NTRK3: variants seen among roughly 807,000 people sequenced by gnomAD.
NTRK3 encodes neurotrophic receptor tyrosine kinase 3, also known as NT-3 growth factor receptor.
NTRK3 carries 24 observed loss-of-function variants against 91.7 expected under a neutral mutation model. That is an observed-to-expected ratio of 0.26 (90% CI 0.19 to 0.37). The LOEUF is 0.37. Ranked by LOEUF, NTRK3 falls within the 10% of genes least tolerant of loss-of-function variation. The pLI, the probability that NTRK3 is intolerant of heterozygous loss-of-function variation, is 1.00. For missense variants in NTRK3, 880 were observed against 1,068.9 expected (o/e 0.82, Z 2.46); for synonymous variants, 483 against 404.0 (o/e 1.20, Z -2.34).
rs1428251699 is a variant in NTRK3, at chr15:87,947,093, G to A, written c.1586-6340C>T. 2.0e-5 allele frequency among the ~76,000 whole-genome samples: 3 copies of A among 152,026 alleles called. No homozygotes were observed. In the East Asian group the frequency reaches 5.8e-4, roughly 29 times the overall value. ...GGCATTTCACCATGTTGGCCAGGCTGGTCTCAAACTCCCGACCTCAGGTAA... is the reference window on the plus strand; with the variant it reads ...GGCATTTCACCATGTTGGCCAGGCTAGTCTCAAACTCCCGACCTCAGGTAA... On this transcript the variant is annotated intron_variant, in intron 14 of 18. Transcript: ENST00000394480.
At chr15:88,249,802 G>A (rs2053180697) in intron 3 of NTRK3, among the ~76,000 whole-genome samples, 1 of 152,108 alleles carries the variant, frequency 6.6e-6, no homozygotes, top group South Asian at 2.1e-4. Flanking sequence ...TGAGGTCAAC[G>A]AGGTTCATAG....
At chr15:88,225,987 G>C (rs1312732380) in intron 3 of NTRK3, among the ~76,000 whole-genome samples, 1 of 152,186 alleles carries the variant, frequency 6.6e-6, no homozygotes, top group Non-Finnish European at 1.5e-5. Flanking sequence ...AAGGGCCGAG[G>C]TGACAAGACA....
intron 5 of NTRK3, among the ~76,000 whole-genome samples, chr15:88,171,746 C>A (rs1295417497): frequency 6.6e-6 from 1 of 152,250 alleles, no homozygotes; most frequent in African/African-American, 2.4e-5. Flanking sequence ...CAAAGTCAAA[C>A]TTGGGTTCAC....
intron 13 of NTRK3, among the ~76,000 whole-genome samples, chr15:88,056,205 T>A (rs1370169748): frequency 0.08 from 1,306 of 16,252 alleles, 31 homozygotes; most frequent in African/African-American, 0.16. Flanking sequence ...TATATATATT[T>A]TTTTTTTAAT....
At position 88,136,732 on chromosome 15, in the gene NTRK3, T is replaced by A. The variant is rs544085613; in HGVS notation, c.623-123A>T. 37 of 1,230,884 alleles carry A rather than the reference T, an allele frequency of 3.0e-5. No individual in the cohort carries two copies. In the African/African-American group the frequency reaches 5.0e-4, roughly 16 times the overall value. 76.2% of individuals were successfully genotyped at this position (1,230,884 alleles called of 1,614,324 possible). A position where few individuals can be genotyped will look rare whatever the true frequency, so the allele number is the denominator to read the frequency against. ...CAGTAATGACTCTAACACCACCTGC[T>A]TGAGTTCTTGGAAGACCCGCAAATC... is the stretch of plus-strand genomic sequence containing the variant. On this transcript the variant is annotated intron_variant, in intron 7 of 18. Transcript: ENST00000394480.
intron 14 of NTRK3, among the ~76,000 whole-genome samples, chr15:87,970,442 A>G (rs2073158917): frequency 6.6e-6 from 1 of 152,224 alleles, no homozygotes; most frequent in South Asian, 2.1e-4. Context: ...GTTTCTTGAT[A>G]TAAGAAGTGG....
intron 13 of NTRK3, among the ~76,000 whole-genome samples, chr15:88,059,047 CAA>C (rs35752282): frequency 7.3e-6 from 1 of 137,766 alleles, no homozygotes; most frequent in East Asian, 2.2e-4. Context: ...CACTCACACA[CAA>C]ACACACACAC....
At chr15:88,249,922 C>CT (rs1295146234) in intron 3 of NTRK3, among the ~76,000 whole-genome samples, 16 of 152,178 alleles carry the variant, frequency 1.1e-4, no homozygotes, top group African/African-American at 3.9e-4. Flanking sequence ...CTCAGCCGCC[C>CT]TTTGCAAGTC....
intron 15 of NTRK3, among the ~76,000 whole-genome samples, chr15:87,934,108 C>A (rs1328151842): frequency 2.6e-5 from 4 of 152,160 alleles, no homozygotes; most frequent in African/African-American, 9.7e-5. Flanking sequence ...TCTGAAGGAC[C>A]TTGGTTAGGG....
At chr15:87,887,018 A>C (rs2065593876) in intron 17 of NTRK3, among the ~76,000 whole-genome samples, 1 of 152,018 alleles carries the variant, frequency 6.6e-6, no homozygotes, top group Non-Finnish European at 1.5e-5. Flanking sequence ...AAAATTTTTC[A>C]ATAACAGAGT....
chr15:88,221,373 A>C (rs2050222552), intron 3 of NTRK3, among the ~76,000 whole-genome samples: 1 of 152,234 alleles, frequency 6.6e-6, no homozygotes, highest in African/African-American at 2.4e-5. Context: ...AATTCATAAG[A>C]AAAAAACATC....
At chr15:88,092,411 G>A (rs530992468) in intron 13 of NTRK3, among the ~76,000 whole-genome samples, 149 of 152,312 alleles carry the variant, frequency 9.8e-4, no homozygotes, top group Admixed American at 1.3e-4. Context: ...TTTGGCAGGT[G>A]AGAGCCCATA....
In NTRK3 at chr15:87,898,710, G is replaced by T. The variant is rs185517860; in HGVS notation, c.2134-18282C>A. ...CCTTGAATCAGGGATTCTAGGCTGG[G>T]TGCTGTGGCTCACGCCTGTAATCCC... On this transcript the variant is annotated intron_variant, in intron 17 of 18. Transcript: ENST00000394480. Among the ~76,000 whole-genome samples, 494 of 151,632 alleles carry T rather than the reference G, an allele frequency of 3.3e-3. 19 individuals are homozygous for T. In the South Asian group the frequency reaches 0.071, roughly 22 times the overall value.
chr15:88,011,959 C>A (rs1002631951), intron 14 of NTRK3, among the ~76,000 whole-genome samples: 1 of 152,160 alleles, frequency 6.6e-6, no homozygotes, highest in African/African-American at 2.4e-5. Context: ...TCATTTAACA[C>A]ACACGAAGAC....
At chr15:88,221,160 G>C (rs2050198669) in intron 3 of NTRK3, among the ~76,000 whole-genome samples, 1 of 152,210 alleles carries the variant, frequency 6.6e-6, no homozygotes. Flanking sequence ...CAGACGTATT[G>C]TGGAAAGTCT....
chr15:88,057,918 T>A (rs2045868493), intron 13 of NTRK3, among the ~76,000 whole-genome samples: 1 of 152,244 alleles, frequency 6.6e-6, no homozygotes, highest in Non-Finnish European at 1.5e-5. Context: ...GGGAGATGCC[T>A]GCTGCCAGTA....
At chr15:87,874,136 A>G in exon 19 of NTRK3, 1 of 226,858 alleles carries the variant, frequency 4.4e-6, no homozygotes, top group Non-Finnish European at 8.7e-6. Flanking sequence ...TACATGCCAC[A>G]CTCCCCAGAG....
At chr15:88,174,137 G>C (rs2045781249) in intron 5 of NTRK3, among the ~76,000 whole-genome samples, 1 of 152,136 alleles carries the variant, frequency 6.6e-6, no homozygotes, top group South Asian at 2.1e-4. Context: ...ATTTCCTCTG[G>C]TCCTGCCCCT....
chr15:88,135,044 T>C (rs2041741119), intron 10 of NTRK3, 57 bp downstream of exon 10: 2 of 1,594,100 alleles, frequency 1.3e-6, no homozygotes, highest in Non-Finnish European at 1.7e-6. Context: ...CCATGCCCCA[T>C]CTCCCAAGCT....
Sources: gnomAD v4.1 joint callset for allele counts (sites outside exome capture counted in the v4.1 genomes callset) on GRCh38, gnomAD v4.1.1 for gene constraint, MANE v1.5 for transcripts, NCBI Gene and HGNC (gene_info 2026-07-23, HGNC 2026-07-21) for gene names.